CDH11: variants seen among roughly 807,000 people sequenced by gnomAD.
CDH11 encodes cadherin 11.
In CDH11, 11 loss-of-function variants were observed where a neutral mutation model predicts 67.8. That is an observed-to-expected ratio of 0.16 (90% CI 0.10 to 0.27). The LOEUF is 0.27. Among genes scored for constraint, CDH11 ranks in the 10% least tolerant of loss-of-function variants. CDH11 has a pLI of 1.00. For synonymous variants in CDH11, 419 were observed against 400.0 expected (o/e 1.05, Z -0.57); for missense variants, 847 against 1,031.2 (o/e 0.82, Z 2.45).
intron 3 of CDH11, 149 bp from the exon 4 acceptor site, chr16:64,999,005 A>G (rs1256520394): frequency 2.2e-5 from 15 of 685,128 alleles, no homozygotes; most frequent in Non-Finnish European, 3.2e-5. Context: ...GAGAAAGGCA[A>G]TCTTAGAGAA....
rs1402444360 is a variant in CDH11 at position 65,084,294 on chromosome 16, G to A, written c.-297-30366C>T. On this transcript the variant is annotated intron_variant, in intron 1 of 12. Transcript: ENST00000268603. ...GCTTGAGCCCAGGAGTTGGAGACCT[G>A]CCTGGGCAAACATTAGTTGCACATG... is the stretch of plus-strand genomic sequence containing the variant. Among the ~76,000 whole-genome samples, 3 of 147,924 alleles carry A rather than the reference G, an allele frequency of 2.0e-5. No individual in the cohort carries two copies. In the East Asian group the frequency reaches 6.0e-4, roughly 30 times the overall value.
At position 64,948,163 on chromosome 16, in the gene CDH11, G is replaced by A. The variant is rs561953264; in HGVS notation, c.1895-64C>T. On this transcript the variant is annotated intron_variant, in intron 12 of 12. Transcript: ENST00000268603. ...CCAGTATTCCTGGGTTCTTCTGCCA[G>A]AGGAACTCTGATTACCATAAACCAT... 61 of 1,550,914 alleles carry A rather than the reference G, an allele frequency of 3.9e-5. No individual in the cohort carries two copies. In the South Asian group the frequency reaches 7.0e-4, roughly 18 times the overall value.
chr16:64,991,586 C>G, intron 6 of CDH11, 182 bp downstream of exon 6: 1 of 523,248 alleles, frequency 1.9e-6, no homozygotes. Flanking sequence ...ACCTCTACTC[C>G]CCGACATTGT....
At chr16:65,066,667 A>G (rs903219972) in intron 1 of CDH11, among the ~76,000 whole-genome samples, 2 of 152,254 alleles carry the variant, frequency 1.3e-5, no homozygotes, top group African/African-American at 4.8e-5. Flanking sequence ...GGCAACAACT[A>G]TGACTTACAA....
rs778856420 is a variant in CDH11, at chr16:65,096,441, G to GTA, written c.-298+25438_-298+25439insTA. 1.3e-4 allele frequency among the ~76,000 whole-genome samples: 17 copies of GTA among 130,056 alleles called. 1 individual carries two copies. The highest frequency in any genetic ancestry group is 5.1e-3 in the Middle Eastern group (1 of 198). 85.3% of individuals were successfully genotyped at this position (130,056 alleles called of 152,430 possible). ...TGTGTGTGTGTGTGTGTGTGTGTGT[G>GTA]TGTATATATATGTTTATATATGTGT... On this transcript the variant is annotated intron_variant, in intron 1 of 12. Coordinates refer to ENST00000268603, the MANE Select transcript of CDH11 (RefSeq NM_001797.4).
chr16:65,066,144 C>T (rs899811476), intron 1 of CDH11, among the ~76,000 whole-genome samples: 10 of 152,238 alleles, frequency 6.6e-5, no homozygotes, highest in Middle Eastern at 3.2e-3. Context: ...TTTGCCTCAA[C>T]TTACCATATT....
At chr16:65,087,365 G>C (rs2074718610) in intron 1 of CDH11, among the ~76,000 whole-genome samples, 2 of 152,102 alleles carry the variant, frequency 1.3e-5, no homozygotes, top group Admixed American at 6.5e-5. Context: ...AGGGGACTAT[G>C]TAATTGAGTT....
At chr16:64,977,694 C>G (rs2072212988) in intron 8 of CDH11, among the ~76,000 whole-genome samples, 1 of 152,154 alleles carries the variant, frequency 6.6e-6, no homozygotes. Flanking sequence ...CAAGACAGAT[C>G]TGGGCTGAAA....
chr16:64,946,472 A>G lies in CDH11; in HGVS notation c.*1131T>C. On this transcript the variant is annotated 3_prime_UTR_variant, in exon 13 of 13. Coordinates refer to ENST00000268603, the MANE Select transcript of CDH11 (RefSeq NM_001797.4). ...GATATACAAGATAAATGCATACTAT[A>G]TAACACATATTGCAAAGTCATAGAC... 9.7e-7 allele frequency: 1 copy of G among 1,031,474 alleles called. No individual in the cohort carries two copies. The highest frequency in any genetic ancestry group is 6.1e-5 in the East Asian group (1 of 16,362). 63.9% of individuals were successfully genotyped at this position (1,031,474 alleles called of 1,614,324 possible).
intron 1 of CDH11, among the ~76,000 whole-genome samples, chr16:65,058,770 G>A (rs1018840991): frequency 6.6e-6 from 1 of 152,000 alleles, no homozygotes; most frequent in African/African-American, 2.4e-5. Flanking sequence ...TTTGAGTTGG[G>A]GCAAGCAAGA....
intron 2 of CDH11, among the ~76,000 whole-genome samples, chr16:65,039,027 G>A (rs935985472): frequency 6.6e-6 from 1 of 152,156 alleles, no homozygotes; most frequent in Non-Finnish European, 1.5e-5. Context: ...GAAGAATGGG[G>A]TGGGAAGCAT....
intron 2 of CDH11, among the ~76,000 whole-genome samples, chr16:65,025,400 G>C (rs758134040): frequency 1.2e-4 from 19 of 152,084 alleles, no homozygotes; most frequent in Non-Finnish European, 7.4e-5. Context: ...GCAGTGGCGC[G>C]ATCTTGGCTT....
At chr16:65,123,639 G>A (rs2075372096), upstream of CDH11, 1 of 152,210 alleles carries the variant, frequency 6.6e-6, no homozygotes, top group Non-Finnish European at 1.5e-5. Context: ...GACGCCCGCG[G>A]GGGCGGGTGC....
At chr16:65,086,171 G>T (rs967054608) in intron 1 of CDH11, among the ~76,000 whole-genome samples, 23 of 152,160 alleles carry the variant, frequency 1.5e-4, no homozygotes, top group Admixed American at 7.2e-4. Flanking sequence ...AAAAGAAATT[G>T]GGATCTGAAG....
intron 1 of CDH11, among the ~76,000 whole-genome samples, chr16:65,115,049 T>C (rs1002984566): frequency 6.6e-6 from 1 of 152,194 alleles, no homozygotes; most frequent in Admixed American, 6.5e-5. Flanking sequence ...TTTGAGCTAG[T>C]CTGGAATAGT....
chr16:65,050,923 G>A (rs999507772), intron 2 of CDH11, among the ~76,000 whole-genome samples: 1 of 152,044 alleles, frequency 6.6e-6, no homozygotes, highest in African/African-American at 2.4e-5. Context: ...AATAGGAAAT[G>A]TCACTCGCAC....
chr16:65,114,078 T>G (rs144406697), intron 1 of CDH11, among the ~76,000 whole-genome samples: 37 of 152,322 alleles, frequency 2.4e-4, no homozygotes, highest in African/African-American at 8.9e-4. Flanking sequence ...TTTCAGCTCC[T>G]TCTTCATTAA....
At chr16:65,073,872 C>A (rs1050023727) in intron 1 of CDH11, among the ~76,000 whole-genome samples, 22 of 152,290 alleles carry the variant, frequency 1.4e-4, no homozygotes, top group Non-Finnish European at 8.8e-5. Context: ...CCACAGACAG[C>A]ATCAGGAGAA....
chr16:64,989,646 G>C (rs2072581416), intron 6 of CDH11, among the ~76,000 whole-genome samples: 1 of 152,138 alleles, frequency 6.6e-6, no homozygotes, highest in Admixed American at 6.5e-5. Context: ...AGGCCAAATT[G>C]CGTAAAATAG....
Sources: allele counts gnomAD v4.1 joint callset (sites outside exome capture counted in the v4.1 genomes callset), GRCh38; gene constraint gnomAD v4.1.1; transcripts MANE v1.5; gene names NCBI Gene and HGNC (gene_info 2026-07-23, HGNC 2026-07-21).